The following GREB1 variants were observed in gnomAD, a reference collection of about 807,000 sequenced individuals.
The protein encoded by GREB1 is growth regulating estrogen receptor binding 1, also known as protein GREB1.
GREB1 carries 106 observed loss-of-function variants against 200.7 expected under a neutral mutation model. The ratio of observed to expected loss-of-function variants is 0.53; its 90% CI spans 0.45 to 0.62. The LOEUF (loss-of-function observed/expected upper bound fraction) is 0.62. Among genes scored for constraint, GREB1 ranks in the 20% least tolerant of loss-of-function variants. The probability of loss-of-function intolerance (pLI) is 0.00; values close to 1 mark genes in which losing one functional copy is unlikely to be tolerated. For synonymous variants in GREB1, 1,132 were observed against 1,092.4 expected (o/e 1.04, Z -0.72); for missense variants, 2,243 against 2,556.8 (o/e 0.88, Z 2.65).
At chr2:11,551,049 T>C (rs912192623) in intron 1 of GREB1, among the ~76,000 whole-genome samples, 13 of 152,200 alleles carry the variant, frequency 8.5e-5, no homozygotes, top group Non-Finnish European at 1.6e-4. Context: ...GGGAAGAGAA[T>C]AGCTCAGGTC....
chr2:11,544,987 G>A (rs1199570758), intron 1 of GREB1, among the ~76,000 whole-genome samples: 1 of 151,932 alleles, frequency 6.6e-6, no homozygotes, highest in Non-Finnish European at 1.5e-5. Flanking sequence ...GCTAACTTTA[G>A]TATTTTTGGT....
In GREB1 at chr2:11,618,526, G is replaced by T. The variant is rs377289689; in HGVS notation, c.3651G>T (p.Ser1217=). 1.9e-6 allele frequency: 3 copies of T among 1,612,300 alleles called. No individual in the cohort carries two copies. Among genetic ancestry groups the T allele is most frequent in the Non-Finnish European group, 2.5e-6 (3 of 1,179,724 alleles). The part of the protein sequence containing the change: ...GQRSVQVSVT[S]SCSQLSSSSG... ...GGAGCGTCCAGGTGTCGGTCACCTC[G>T]TCGTGCTCCCAGCTGTCCTCCTCCT... is the stretch of plus-strand genomic sequence containing the variant. Residue 1217 remains serine, a synonymous_variant, in exon 22 of 33, where the codon TCG becomes TCT. Transcript: ENST00000381486.
chr2:11,497,739 T>G (rs1387443161), intron 1 of GREB1, among the ~76,000 whole-genome samples: 1 of 152,160 alleles, frequency 6.6e-6, no homozygotes, highest in Non-Finnish European at 1.5e-5. Context: ...CTGAACATCT[T>G]TTCGTGACTT....
At chr2:11,496,324 G>A (rs2148415235) in intron 1 of GREB1, among the ~76,000 whole-genome samples, 1 of 152,310 alleles carries the variant, frequency 6.6e-6, no homozygotes, top group South Asian at 2.1e-4. Context: ...AAAATGCCTT[G>A]TTAGGATGTG....
At chr2:11,485,720 C>A (rs1294842557) in intron 1 of GREB1, among the ~76,000 whole-genome samples, 3 of 152,124 alleles carry the variant, frequency 2.0e-5, no homozygotes, top group African/African-American at 7.2e-5. Flanking sequence ...TTATTGAATA[C>A]CTGTGGCATT....
chr2:11,596,271 A>G (rs1268615620), intron 13 of GREB1, 32 bp downstream of exon 13: 1 of 1,593,684 alleles, frequency 6.3e-7, no homozygotes, highest in Admixed American at 1.7e-5. Context: ...CCCAGGGTGG[A>G]GAGGGTACAA....
intron 5 of GREB1, among the ~76,000 whole-genome samples, chr2:11,576,758 A>C (rs1043592692): frequency 6.6e-6 from 1 of 152,206 alleles, no homozygotes; most frequent in East Asian, 1.9e-4. Flanking sequence ...ACAGAGGGCC[A>C]GTTGTGGTGG....
chr2:11,605,144 C>CTTTTT (rs3035991), intron 17 of GREB1, among the ~76,000 whole-genome samples: 1,209 of 44,748 alleles, frequency 0.027, 280 homozygotes, highest in East Asian at 0.079. Context: ...GAGCCTGCTT[C>CTTTTT]TTTTTTTTTT....
At chr2:11,501,484 C>G (rs1673035152) in intron 1 of GREB1, among the ~76,000 whole-genome samples, 1 of 152,118 alleles carries the variant, frequency 6.6e-6, no homozygotes, top group South Asian at 2.1e-4. Context: ...ACCTCTGCCT[C>G]CCAGGTTCAA....
At chr2:11,547,712 C>T (rs1030980445) in intron 1 of GREB1, among the ~76,000 whole-genome samples, 8 of 152,118 alleles carry the variant, frequency 5.3e-5, no homozygotes, top group African/African-American at 9.7e-5. Flanking sequence ...TTTAAATTGA[C>T]GAAATTTAAA....
At chr2:11,514,676 G>C (rs532623183) in intron 1 of GREB1, among the ~76,000 whole-genome samples, 1 of 152,384 alleles carries the variant, frequency 6.6e-6, no homozygotes, top group African/African-American at 2.4e-5. Context: ...GCTGAACCCA[G>C]TGCCAAGAGA....
chr2:11,584,180 T>A (rs1679818459), intron 7 of GREB1, among the ~76,000 whole-genome samples: 1 of 152,214 alleles, frequency 6.6e-6, no homozygotes, highest in Non-Finnish European at 1.5e-5. Flanking sequence ...TTGAGTTTAA[T>A]GTACAGTTGA....
upstream of GREB1, among the ~76,000 whole-genome samples, chr2:11,530,034 A>C (rs967744238): frequency 6.6e-6 from 1 of 152,102 alleles, no homozygotes; most frequent in Admixed American, 6.6e-5. Flanking sequence ...TAAGACCCCT[A>C]GGTGATTTTT....
At position 11,566,586 on chromosome 2, in the gene GREB1, G is replaced by A. The variant is rs369770772; in HGVS notation, c.384G>A (p.Pro128=). 87 of 1,613,978 alleles carry A rather than the reference G, an allele frequency of 5.4e-5. No homozygotes were observed. The highest frequency in any genetic ancestry group is 3.3e-4 in the African/African-American group (25 of 74,914). The part of the protein sequence containing the change: ...LLVGVKSPSL[P]DHLLVCAVDK... ...TGGGGGTCAAGTCCCCCAGCCTGCC[G>A]GACCATCTCCTGGTGTGCGCCGTTG... Residue 128 remains proline, a synonymous_variant, in exon 4 of 33, where the codon CCG becomes CCA. Coordinates refer to ENST00000381486, the MANE Select transcript of GREB1 (RefSeq NM_014668.4).
rs150131037 is a variant in GREB1, at chr2:11,520,691, A to ACG, written c.-158-35765_-158-35764dup. ...AAAGTATCTTTCTTTTTAAAGACTCACGTGATTAGATTGTGCTCCCCAGGT... is the reference window on the plus strand; with the variant it reads ...AAAGTATCTTTCTTTTTAAAGACTCACGCGTGATTAGATTGTGCTCCCCAGGT... On this transcript the variant is annotated intron_variant, in intron 1 of 2. Transcript: ENST00000628795. Among the ~76,000 whole-genome samples, 1,500 of 152,192 alleles carry ACG rather than the reference A, an allele frequency of 9.9e-3. 31 individuals are homozygous for ACG. Among genetic ancestry groups the ACG allele is most frequent in the African/African-American group, 0.035 (1,450 of 41,526 alleles).
intron 10 of GREB1, chr2:11,592,187 C>CTTTTT: frequency 3.2e-6 from 1 of 311,754 alleles, no homozygotes; most frequent in African/African-American, 2.9e-5. Context: ...TTTTTTTTTT[C>CTTTTT]TTTTTTTTTT....
chr2:11,629,599 G>A lies in GREB1; in HGVS notation c.4450-349G>A, dbSNP rs1456359411. Among the ~76,000 whole-genome samples, 1 of 152,232 alleles carries A rather than the reference G, an allele frequency of 6.6e-6. No homozygotes were observed. Among genetic ancestry groups the A allele is most frequent in the Non-Finnish European group, 1.5e-5 (1 of 68,050 alleles). On this transcript the variant is annotated intron_variant, in intron 25 of 32. Transcript: ENST00000381486. This position sits in a 1 kb window ranked among gnomAD's most constrained non-coding sequence, Gnocchi z 5.2. ...AAATACATTTATTAGAATTAAAAAT[G>A]AGCTCTGTAGCATGAATGCTTGAGT...
At chr2:11,628,453 G>C (rs1684632539) in intron 25 of GREB1, among the ~76,000 whole-genome samples, 1 of 152,120 alleles carries the variant, frequency 6.6e-6, no homozygotes, top group Non-Finnish European at 1.5e-5. Flanking sequence ...AACAGCACCT[G>C]TCTGCCTGGC....
chr2:11,494,187 G>A (rs1243432235), intron 1 of GREB1, among the ~76,000 whole-genome samples: 5 of 152,254 alleles, frequency 3.3e-5, no homozygotes, highest in Non-Finnish European at 7.3e-5. Flanking sequence ...GCTGGACAGA[G>A]CCAGGGTGAG....
Sources: allele counts gnomAD v4.1 joint callset (sites outside exome capture counted in the v4.1 genomes callset), GRCh38; gene constraint gnomAD v4.1.1; non-coding constraint Gnocchi (gnomAD v3.1); transcripts MANE v1.5; gene names NCBI Gene and HGNC (gene_info 2026-07-23, HGNC 2026-07-21).